GANC: variants seen among roughly 807,000 people sequenced by gnomAD.
GANC encodes neutral alpha-glucosidase C.
In GANC, 117 loss-of-function variants were observed where a neutral mutation model predicts 124.2. The observed-to-expected ratio is 0.94, with a 90% CI of 0.81 to 1.10. The LOEUF is 1.10. GANC is among the 50% of genes least tolerant of loss of function. GANC has a pLI of 0.00. For missense variants in GANC, 1,140 were observed against 1,095.0 expected, an observed-to-expected ratio of 1.04 and a Z score of -0.58; for synonymous variants, 377 against 376.8, an observed-to-expected ratio of 1.00 and a Z score of -0.01.
In GANC at chr15:42,294,972, G is replaced by GTT. The variant is rs59095643; in HGVS notation, c.512+2071_512+2072dup. Among the ~76,000 whole-genome samples, 616 of 131,134 alleles carry GTT rather than the reference G, an allele frequency of 4.7e-3. 12 individuals carry two copies. Among genetic ancestry groups the GTT allele is most frequent in the East Asian group, 0.025 (113 of 4,604 alleles). The allele number at this position is 131,134 out of a possible 152,430, so 86.0% of individuals were successfully genotyped here. A position where few individuals can be genotyped will look rare whatever the true frequency, so the allele number is the denominator to read the frequency against. The stretch of plus-strand genomic sequence containing the variant: ...TGATCAGATGGTTTGTGCATTTGTA[G>GTT]TTTTTTTTTTTTTTTTTGAGATGGA... On this transcript the variant is annotated intron_variant, in intron 5 of 23. Transcript: ENST00000318010.
intron 2 of GANC, among the ~76,000 whole-genome samples, chr15:42,277,732 C>T (rs2051686601): frequency 6.6e-6 from 1 of 151,546 alleles, no homozygotes; most frequent in Non-Finnish European, 1.5e-5. Flanking sequence ...TCCCGACTAG[C>T]TGGGATTACA....
chr15:42,275,371 C>G (rs551522082), intron 1 of GANC, among the ~76,000 whole-genome samples: 42 of 152,188 alleles, frequency 2.8e-4, no homozygotes, highest in African/African-American at 1.0e-3. Context: ...GAGATCCTGT[C>G]TCAAAAAAAA....
At chr15:42,283,705 C>T in intron 3 of GANC, 1 of 702,584 alleles carries the variant, frequency 1.4e-6, no homozygotes, top group South Asian at 1.5e-5. Flanking sequence ...TACCCCTTGC[C>T]TCTTCATCTA....
At chr15:42,280,179 G>A (rs1305068341) in intron 3 of GANC, among the ~76,000 whole-genome samples, 1 of 152,094 alleles carries the variant, frequency 6.6e-6, no homozygotes, top group Admixed American at 6.5e-5. Flanking sequence ...CACAGATGGG[G>A]CAGTTAGCCT....
Position 42,292,911 on chromosome 15 carries a change from A to G in GANC, c.506A>G (p.Lys169Arg), listed in dbSNP as rs1412813258. The part of the protein sequence containing the change: ...LYFEHLQILH[K>R]QRAAKENEEE... ...TTTGAGCATCTACAGATTCTTCACA[A>G]ACAAAGGTATTCTTATGCATTACTT... The change falls in exon 5 of 24, where the codon AAA (lysine) becomes AGA (arginine). Residue 169 changes from lysine (K) to arginine (R), a missense_variant. Transcript: ENST00000318010. 1.2e-6 allele frequency: 2 copies of G among 1,613,690 alleles called. No homozygotes were observed. Among genetic ancestry groups the G allele is most frequent in the African/African-American group, 2.7e-5 (2 of 74,932 alleles).
At position 42,348,119 on chromosome 15, in the gene GANC, G is replaced by A. The variant is rs770508802; in HGVS notation, c.2321G>A (p.Arg774Gln). The A allele has an allele frequency of 1.6e-5, 25 of 1,607,372 alleles. No homozygotes were observed. In the Admixed American group the frequency reaches 2.0e-4, roughly 13 times the overall value. Residue 774 changes from arginine to glutamine, a missense_variant, in exon 21 of 24, where the codon CGA becomes CAA. Physicochemically the swap from Arg to Gln is conservative, Grantham distance 43 (BLOSUM62 1). Transcript: ENST00000318010. ...CTGTTACAGATTCCAGTGTTTCAGC[G>A]AGGTGGAAGTGTGATACCAATAAAG... ...VALDTIPVFQ[R>Q]GGSVIPIKTT...
chr15:42,276,470 T>TG (rs2051673014), intron 2 of GANC, 60 bp downstream of exon 2: 2 of 809,378 alleles, frequency 2.5e-6, no homozygotes, highest in African/African-American at 3.4e-5. Flanking sequence ...TCAAAATTGA[T>TG]GCTTATTAAA....
At chr15:42,337,152 C>G (rs1481223395) in intron 15 of GANC, among the ~76,000 whole-genome samples, 1 of 152,094 alleles carries the variant, frequency 6.6e-6, no homozygotes, top group Non-Finnish European at 1.5e-5. Context: ...CAAAGGAATA[C>G]AAATCATTCT....
At chr15:42,301,018 C>CAA (rs113404849) in intron 6 of GANC, among the ~76,000 whole-genome samples, 170 of 140,042 alleles carry the variant, frequency 1.2e-3, no homozygotes, top group South Asian at 5.5e-3. Flanking sequence ...AACTCCATCT[C>CAA]AAAAAAAAAA....
At chr15:42,306,224 A>G (rs1452945299) in intron 6 of GANC, among the ~76,000 whole-genome samples, 2 of 152,164 alleles carry the variant, frequency 1.3e-5, no homozygotes, top group Non-Finnish European at 2.9e-5. Flanking sequence ...CAATAGTTGC[A>G]CAGCAATGTG....
intron 15 of GANC, among the ~76,000 whole-genome samples, chr15:42,332,637 A>G (rs192532936): frequency 3.6e-4 from 55 of 152,328 alleles, no homozygotes; most frequent in African/African-American, 1.3e-3. Flanking sequence ...ACGGATTTCA[A>G]AATCATTATG....
At chr15:42,331,516 A>G (rs1256641665) in intron 15 of GANC, among the ~76,000 whole-genome samples, 1 of 152,220 alleles carries the variant, frequency 6.6e-6, no homozygotes, top group Non-Finnish European at 1.5e-5. Flanking sequence ...TTGCATAAGC[A>G]ACGGAGAGCT....
chr15:42,276,415 G>T lies in GANC; in HGVS notation c.92+5G>T. The T allele has an allele frequency of 7.3e-7, 1 of 1,360,696 alleles. No homozygotes were observed. The highest frequency in any genetic ancestry group is 1.0e-6 in the Non-Finnish European group (1 of 953,108). The allele number at this position is 1,360,696 out of a possible 1,614,324, so 84.3% of individuals were successfully genotyped here. On this transcript the variant is annotated splice_donor_5th_base_variant and intron_variant, in intron 2 of 23. Coordinates refer to ENST00000318010, the MANE Select transcript of GANC (RefSeq NM_198141.3). ...TAACAAGATCGCATTTTACAGGTAA[G>T]GAAAATAAATATAGTAGCTAGATCA...
chr15:42,292,718 C>T lies in GANC; in HGVS notation c.330-17C>T. The T allele has an allele frequency of 6.2e-7, 1 of 1,608,524 alleles. No individual in the cohort carries two copies. The highest frequency in any genetic ancestry group is 1.1e-5 in the South Asian group (1 of 90,428). On this transcript the variant is annotated splice_polypyrimidine_tract_variant and intron_variant, in intron 4 of 23. Coordinates refer to ENST00000318010, the MANE Select transcript of GANC (RefSeq NM_198141.3). The stretch of plus-strand genomic sequence containing the variant: ...ACCTATAGCAGCTTGTTTCTCTCTT[C>T]CTGTTTTGTTTTCTAGGCTGATTTC...
intron 10 of GANC, among the ~76,000 whole-genome samples, chr15:42,319,970 T>G (rs2620373): frequency 1 from 152,276 of 152,276 alleles, 76,138 homozygotes; most frequent in Non-Finnish European, 1. Context: ...GATCACCTAA[T>G]GTCGGGAGTT....
chr15:42,299,184 G>C (rs1241408528), intron 6 of GANC, among the ~76,000 whole-genome samples: 1 of 152,114 alleles, frequency 6.6e-6, no homozygotes, highest in Non-Finnish European at 1.5e-5. Context: ...CATTCAGTGT[G>C]ATATTGGCTG....
Position 42,339,113 on chromosome 15 carries a change from A to T in GANC, c.1844-556A>T, listed in dbSNP as rs137884938. ...CAAATTAATATCATTCTTTTGATGCATGTGTTTTTATTGCATTGGTCCATG... is the reference window on the plus strand; with the variant it reads ...CAAATTAATATCATTCTTTTGATGCTTGTGTTTTTATTGCATTGGTCCATG... On this transcript the variant is annotated intron_variant, in intron 16 of 23. Coordinates refer to ENST00000318010, the MANE Select transcript of GANC (RefSeq NM_198141.3). Among the ~76,000 whole-genome samples the T allele has an allele frequency of 4.1e-4, 63 of 152,084 alleles. 3 individuals carry two copies. In the East Asian group the frequency reaches 0.012, roughly 28 times the overall value.
chr15:42,341,295 C>T (rs16973103), intron 18 of GANC, among the ~76,000 whole-genome samples: 2 of 151,868 alleles, frequency 1.3e-5, no homozygotes, highest in South Asian at 2.1e-4. Context: ...TTGTGGATGT[C>T]GTTTAGGATT....
At chr15:42,317,063 C>T (rs951923351) in intron 10 of GANC, among the ~76,000 whole-genome samples, 10 of 152,200 alleles carry the variant, frequency 6.6e-5, no homozygotes, top group Non-Finnish European at 1.0e-4. Flanking sequence ...TTTATTCTAA[C>T]TATTTTCTTT....
Sources: allele counts gnomAD v4.1 joint callset (sites outside exome capture counted in the v4.1 genomes callset), GRCh38; gene constraint gnomAD v4.1.1; transcripts MANE v1.5; gene names NCBI Gene and HGNC (gene_info 2026-07-23, HGNC 2026-07-21).